Variants in CTNNBL1 observed in about 807,000 individuals in gnomAD.
The protein encoded by CTNNBL1 is beta-catenin-like protein 1.
In CTNNBL1, 31 loss-of-function variants were observed where a neutral mutation model predicts 72.7. That is an observed-to-expected ratio of 0.43 (90% CI 0.32 to 0.58). The LOEUF (loss-of-function observed/expected upper bound fraction) is 0.58. Ranked by LOEUF, CTNNBL1 falls within the 20% of genes least tolerant of loss-of-function variation. CTNNBL1 has a pLI of 0.08. For missense variants in CTNNBL1, 534 were observed against 725.1 expected (o/e 0.74, Z 3.03); for synonymous variants, 240 against 267.3 (o/e 0.90, Z 1.00).
intron 11 of CTNNBL1, among the ~76,000 whole-genome samples, chr20:37,815,080 T>A (rs1419271443): frequency 2.7e-5 from 4 of 150,660 alleles, no homozygotes; most frequent in Non-Finnish European, 5.9e-5. Flanking sequence ...TCTGTGAGTG[T>A]GTGTGTGTGT....
chr20:37,794,544 G>T (rs2073754217), intron 10 of CTNNBL1, among the ~76,000 whole-genome samples: 1 of 152,276 alleles, frequency 6.6e-6, no homozygotes, highest in African/African-American at 2.4e-5. Flanking sequence ...TCAAGCTGGA[G>T]TGCAGTGGTG....
intron 4 of CTNNBL1, among the ~76,000 whole-genome samples, chr20:37,749,644 T>G (rs1433137643): frequency 2.0e-5 from 3 of 152,220 alleles, no homozygotes; most frequent in Non-Finnish European, 4.4e-5. Context: ...AAAGTGCATT[T>G]GAAATTTTTT....
chr20:37,814,561 T>C (rs988764740), intron 11 of CTNNBL1, among the ~76,000 whole-genome samples: 1 of 152,090 alleles, frequency 6.6e-6, no homozygotes, highest in Admixed American at 6.6e-5. Flanking sequence ...TTTCTCTCTG[T>C]TGTCCCCCTC....
chr20:37,793,351 G>A (rs1311386932), intron 10 of CTNNBL1, among the ~76,000 whole-genome samples: 1 of 151,916 alleles, frequency 6.6e-6, no homozygotes, highest in South Asian at 2.1e-4. Context: ...TTGTTTAATC[G>A]ACCCTTTTAT....
chr20:37,800,927 A>G (rs931708116), intron 10 of CTNNBL1, among the ~76,000 whole-genome samples: 8 of 152,218 alleles, frequency 5.3e-5, no homozygotes, highest in Non-Finnish European at 1.0e-4. Context: ...TAAAATTTAC[A>G]TGACTGATTC....
Position 37,702,966 on chromosome 20 carries a change from T to G in CTNNBL1, c.30+8814T>G, listed in dbSNP as rs114745833. On this transcript the variant is annotated intron_variant, in intron 1 of 15. Coordinates refer to ENST00000361383, the MANE Select transcript of CTNNBL1 (RefSeq NM_030877.5). ...TCTTGTTAGCTTGTTGGCCTACATC[T>G]CTGTGCTTTCATGTCAGACTTCAAG... is the stretch of plus-strand genomic sequence containing the variant. Among the ~76,000 whole-genome samples the G allele has an allele frequency of 4.1e-3, 630 of 152,368 alleles. 5 individuals are homozygous for G. The highest frequency in any genetic ancestry group is 0.014 in the African/African-American group (598 of 41,584).
intron 13 of CTNNBL1, among the ~76,000 whole-genome samples, chr20:37,842,997 G>GT (rs1266605224): frequency 6.6e-6 from 1 of 152,192 alleles, no homozygotes; most frequent in African/African-American, 2.4e-5. Flanking sequence ...CCTGCTGGAT[G>GT]TTTTTTCTGG....
chr20:37,799,026 G>C (rs1022597116), intron 10 of CTNNBL1, among the ~76,000 whole-genome samples: 1 of 152,194 alleles, frequency 6.6e-6, no homozygotes, highest in East Asian at 1.9e-4. Context: ...AAATCCCTTC[G>C]TACTGAATTT....
chr20:37,713,670 A>T (rs2072959796), intron 1 of CTNNBL1, among the ~76,000 whole-genome samples: 1 of 152,164 alleles, frequency 6.6e-6, no homozygotes, highest in Non-Finnish European at 1.5e-5. Context: ...CATTTGACAG[A>T]TTGACTTTGT....
At chr20:37,834,638 G>A (rs1301534849) in intron 11 of CTNNBL1, among the ~76,000 whole-genome samples, 1 of 152,054 alleles carries the variant, frequency 6.6e-6, no homozygotes, top group Non-Finnish European at 1.5e-5. Context: ...TTTTATATGT[G>A]GGAAGCATAA....
At chr20:37,871,857 T>G in intron 15 of CTNNBL1, 68 bp from the exon 16 acceptor site, 1 of 1,380,672 alleles carries the variant, frequency 7.2e-7, no homozygotes, top group Non-Finnish European at 1.0e-6. Flanking sequence ...GGGAAAGGTA[T>G]GAAGCGACGC....
chr20:37,798,056 C>A (rs1045642364), intron 10 of CTNNBL1, among the ~76,000 whole-genome samples: 2 of 152,140 alleles, frequency 1.3e-5, no homozygotes, highest in Non-Finnish European at 2.9e-5. Flanking sequence ...CACCGTAGGA[C>A]TTAGCTTTTC....
chr20:37,844,216 G>A (rs2072328420), intron 13 of CTNNBL1, among the ~76,000 whole-genome samples: 1 of 152,168 alleles, frequency 6.6e-6, no homozygotes, highest in Non-Finnish European at 1.5e-5. Context: ...ATCTGCTAGG[G>A]AGGTTTTGAG....
chr20:37,820,089 C>G (rs1444655686), intron 11 of CTNNBL1, among the ~76,000 whole-genome samples: 3 of 151,780 alleles, frequency 2.0e-5, no homozygotes, highest in Non-Finnish European at 4.4e-5. Flanking sequence ...ATTGGCCAGG[C>G]TGGTCTTGAA....
intron 13 of CTNNBL1, among the ~76,000 whole-genome samples, chr20:37,848,525 G>C (rs1373855462): frequency 6.6e-6 from 1 of 152,094 alleles, no homozygotes; most frequent in Non-Finnish European, 1.5e-5. Context: ...ACAGCTTACA[G>C]CCAGTAAAAC....
intron 11 of CTNNBL1, among the ~76,000 whole-genome samples, chr20:37,803,706 C>A (rs1237186412): frequency 6.6e-6 from 1 of 152,062 alleles, no homozygotes; most frequent in Non-Finnish European, 1.5e-5. Context: ...GACACTTGCA[C>A]CAGGGAATTT....
intron 10 of CTNNBL1, among the ~76,000 whole-genome samples, chr20:37,794,813 T>TG (rs2073757608): frequency 6.6e-6 from 1 of 152,194 alleles, no homozygotes; most frequent in African/African-American, 2.4e-5. Flanking sequence ...CCTTCATCTT[T>TG]GAAATATATT....
At chr20:37,796,984 G>C (rs2073781016) in intron 10 of CTNNBL1, among the ~76,000 whole-genome samples, 1 of 152,222 alleles carries the variant, frequency 6.6e-6, no homozygotes, top group Admixed American at 6.5e-5. Context: ...TATGGGTAGT[G>C]ATGTGTTGGA....
intron 1 of CTNNBL1, among the ~76,000 whole-genome samples, chr20:37,708,326 C>G (rs1461782135): frequency 6.6e-6 from 1 of 152,020 alleles, no homozygotes; most frequent in African/African-American, 2.4e-5. Flanking sequence ...TGTGTGCCAC[C>G]ATGCCCAGCT....
Sources: allele counts gnomAD v4.1 joint callset (sites outside exome capture counted in the v4.1 genomes callset), GRCh38; gene constraint gnomAD v4.1.1; transcripts MANE v1.5; gene names NCBI Gene and HGNC (gene_info 2026-07-23, HGNC 2026-07-21).